The following BIN3 variants were observed in gnomAD, a reference collection of about 807,000 sequenced individuals.
BIN3 encodes bridging integrator 3.
A neutral mutation model predicts 38.2 loss-of-function variants in BIN3; 41 were observed. The observed-to-expected ratio is 1.07, with a 90% CI of 0.84 to 1.39. BIN3 has a LOEUF of 1.39. BIN3 is among the 40% of genes most tolerant of loss of function. The pLI, the probability that BIN3 is intolerant of heterozygous loss-of-function variation, is 0.00. For missense variants in BIN3, 361 were observed against 324.3 expected (o/e 1.11, Z -0.87); for synonymous variants, 145 against 122.6 (o/e 1.18, Z -1.21).
chr8:22,637,131 C>T (rs973418129), intron 2 of BIN3, among the ~76,000 whole-genome samples, 169 bp from the exon 3 acceptor site: 1 of 152,186 alleles, frequency 6.6e-6, no homozygotes, highest in Non-Finnish European at 1.5e-5. Flanking sequence ...TCTGAGATCC[C>T]AAGTTAATTA....
At chr8:22,636,323 A>G (rs1802363528) in intron 4 of BIN3, among the ~76,000 whole-genome samples, 1 of 152,172 alleles carries the variant, frequency 6.6e-6, no homozygotes, top group Admixed American at 6.5e-5. Flanking sequence ...CCCAGCACCC[A>G]CATCCAGAGT....
At chr8:22,656,127 T>C (rs1372508974) in intron 1 of BIN3, among the ~76,000 whole-genome samples, 6 of 152,110 alleles carry the variant, frequency 3.9e-5, no homozygotes, top group Non-Finnish European at 7.4e-5. Context: ...AATATATTTA[T>C]AGATTAACTT....
chr8:22,651,522 T>C (rs576944119), intron 1 of BIN3, among the ~76,000 whole-genome samples: 1 of 152,314 alleles, frequency 6.6e-6, no homozygotes, highest in East Asian at 1.9e-4. Flanking sequence ...GGAGGTCACT[T>C]TTGAGACTGC....
chr8:22,647,973 CAA>C (rs148595413), intron 1 of BIN3, among the ~76,000 whole-genome samples: 18 of 144,574 alleles, frequency 1.2e-4, no homozygotes, highest in East Asian at 6.0e-4. Context: ...ATAAAAAATA[CAA>C]AAAAAAAAAA....
intron 1 of BIN3, 111 bp downstream of exon 1, chr8:22,668,933 G>A (rs1184344247): frequency 1.4e-6 from 2 of 1,429,786 alleles, no homozygotes; most frequent in Non-Finnish European, 1.9e-6. Flanking sequence ...CTTGCTCTGG[G>A]GCGGAGGGGT....
chr8:22,623,037 A>T (rs562244745), intron 8 of BIN3, among the ~76,000 whole-genome samples: 48 of 152,240 alleles, frequency 3.2e-4, no homozygotes, highest in Admixed American at 1.2e-3. Context: ...GCCTGCAGGA[A>T]ATGGCCACTG....
chr8:22,643,398 A>C (rs975720473), intron 2 of BIN3, among the ~76,000 whole-genome samples: 1 of 152,164 alleles, frequency 6.6e-6, no homozygotes, highest in African/African-American at 2.4e-5. Flanking sequence ...TGGTGCAATC[A>C]GAGCTCACTG....
intron 1 of BIN3, among the ~76,000 whole-genome samples, chr8:22,648,830 C>A (rs148779516): frequency 1.3e-5 from 2 of 152,220 alleles, no homozygotes; most frequent in African/African-American, 4.8e-5. Context: ...TCAAACTGTT[C>A]CAGCTTTCAC....
intron 8 of BIN3, among the ~76,000 whole-genome samples, chr8:22,623,158 G>A (rs1387779204): frequency 2.0e-5 from 3 of 152,364 alleles, no homozygotes; most frequent in Admixed American, 6.5e-5. Flanking sequence ...GTTGCTGAGC[G>A]CAAGCCATCA....
At chr8:22,658,572 A>C (rs1236595132) in intron 1 of BIN3, among the ~76,000 whole-genome samples, 1 of 152,208 alleles carries the variant, frequency 6.6e-6, no homozygotes. Flanking sequence ...CAGAGATAAA[A>C]GGCAGGCCCA....
rs187478952 is a variant in BIN3, at chr8:22,668,796, G to A, written c.8+248C>T. Among the ~76,000 whole-genome samples the A allele has an allele frequency of 3.0e-3, 458 of 152,352 alleles. 5 individuals are homozygous for A. Among genetic ancestry groups the A allele is most frequent in the African/African-American group, 0.011 (438 of 41,592 alleles). On this transcript the variant is annotated intron_variant, in intron 1 of 8. Coordinates refer to ENST00000276416, the MANE Select transcript of BIN3 (RefSeq NM_018688.6). The stretch of plus-strand genomic sequence containing the variant: ...AAGGAGCTAGGAGGACGCGAGTCCG[G>A]CAAAACGGGTCAGACGCGGAGTCCC...
At chr8:22,668,594 T>C (rs1253829615) in intron 1 of BIN3, among the ~76,000 whole-genome samples, 7 of 152,130 alleles carry the variant, frequency 4.6e-5, no homozygotes, top group East Asian at 1.9e-4. Context: ...GCAAAGAGGA[T>C]AGTTACCCAG....
chr8:22,622,765 T>C, intron 8 of BIN3: 1 of 152,410 alleles, frequency 6.6e-6, no homozygotes, highest in Non-Finnish European at 1.5e-5. Context: ...CAGGCCCAGG[T>C]CTCCCGTGAA....
At position 22,621,555 on chromosome 8, in the gene BIN3, G is replaced by T. The variant is rs764386429; in HGVS notation, c.629C>A (p.Ser210Ter). The change falls in exon 9 of 9, where the codon TCG becomes TAG. Residue 210 changes from serine (S) to a stop codon, truncating the protein, a stop_gained. Transcript: ENST00000276416. LOFTEE classifies it high-confidence loss of function. ...GTCTCCAAAGATCTTGTGCATTTCCGAGTAGTACACAACCTGGGGGAGGCG... is the reference window on the plus strand; with the variant it reads ...GTCTCCAAAGATCTTGTGCATTTCCTAGTAGTACACAACCTGGGGGAGGCG... The part of the protein sequence containing the change: ...SLIRAQVVYY[S>*]EMHKIFGDLS... 1 of 1,613,752 alleles carries T rather than the reference G, an allele frequency of 6.2e-7. No homozygotes were observed. The highest frequency in any genetic ancestry group is 2.2e-5 in the East Asian group (1 of 44,888).
intron 1 of BIN3, among the ~76,000 whole-genome samples, chr8:22,651,589 C>T (rs1038112604): frequency 7.9e-5 from 12 of 152,210 alleles, no homozygotes; most frequent in Non-Finnish European, 1.8e-4. Flanking sequence ...GAATTAAAGG[C>T]TGGACATAAT....
At chr8:22,638,628 A>G (rs1380769267) in intron 2 of BIN3, among the ~76,000 whole-genome samples, 1 of 152,172 alleles carries the variant, frequency 6.6e-6, no homozygotes, top group Non-Finnish European at 1.5e-5. Flanking sequence ...TTGAACACAG[A>G]GTCTGCTTAG....
intron 4 of BIN3, among the ~76,000 whole-genome samples, chr8:22,633,372 C>T (rs1359372417): frequency 6.6e-6 from 1 of 152,188 alleles, no homozygotes; most frequent in Non-Finnish European, 1.5e-5. Context: ...CAGCCCATAC[C>T]CCTCATTGTT....
intron 1 of BIN3, among the ~76,000 whole-genome samples, chr8:22,664,805 C>A (rs186467843): frequency 6.6e-5 from 10 of 152,262 alleles, no homozygotes; most frequent in South Asian, 6.2e-4. Flanking sequence ...AGACAAAGGA[C>A]GGGAAAGCCA....
intron 2 of BIN3, among the ~76,000 whole-genome samples, chr8:22,638,950 GCA>G (rs1313200707): frequency 6.6e-6 from 1 of 152,198 alleles, no homozygotes; most frequent in Non-Finnish European, 1.5e-5. Flanking sequence ...TCCCACTAAA[GCA>G]CAAATGCTTG....
Sources: allele counts gnomAD v4.1 joint callset (sites outside exome capture counted in the v4.1 genomes callset), GRCh38; gene constraint gnomAD v4.1.1; transcripts MANE v1.5; gene names NCBI Gene and HGNC (gene_info 2026-07-23, HGNC 2026-07-21).